DLG2: variants seen among roughly 807,000 people sequenced by gnomAD.
DLG2 encodes the protein discs large MAGUK scaffold protein 2, also known as disks large homolog 2.
In DLG2, 45 loss-of-function variants were observed where a neutral mutation model predicts 132.5. That is an observed-to-expected ratio of 0.34 (90% CI 0.27 to 0.44). The LOEUF is 0.44. Ranked by LOEUF, DLG2 falls within the 20% of genes least tolerant of loss-of-function variation. DLG2 has a pLI of 1.00. For missense variants in DLG2, 1,045 were observed against 1,196.9 expected (o/e 0.87, Z 1.87); for synonymous variants, 424 against 419.6 (o/e 1.01, Z -0.13).
chr11:84,528,697 A>G (rs2099328314), intron 7 of DLG2, among the ~76,000 whole-genome samples: 1 of 152,218 alleles, frequency 6.6e-6, no homozygotes, highest in Admixed American at 6.5e-5. Flanking sequence ...AGACAGATAA[A>G]AGAAGGCAAA....
chr11:84,168,334 G>T (rs1214417193), intron 8 of DLG2, among the ~76,000 whole-genome samples: 2 of 152,210 alleles, frequency 1.3e-5, no homozygotes, highest in Admixed American at 6.5e-5. Flanking sequence ...CAGTAGTAGA[G>T]AATATGACAG....
chr11:84,066,158 AC>A lies in DLG2; in HGVS notation c.750-6675del, dbSNP rs1465169738. 2.6e-5 allele frequency among the ~76,000 whole-genome samples: 4 copies of A among 152,216 alleles called. No individual in the cohort carries two copies. The East Asian group carries it at 7.7e-4, about 29-fold the overall frequency. On this transcript the variant is annotated intron_variant, in intron 10 of 27. Coordinates refer to ENST00000376104, the MANE Select transcript of DLG2 (RefSeq NM_001142699.3). ...GGTTTCAGAATAAGCTATACACCAA[AC>A]CCCTACGACATGCAATTCACCTATA...
chr11:85,083,534 A>G (rs2067517830), intron 6 of DLG2, among the ~76,000 whole-genome samples: 1 of 152,142 alleles, frequency 6.6e-6, no homozygotes, highest in South Asian at 2.1e-4. Context: ...GCTTGGTTTT[A>G]TATGTTTTAG....
At chr11:83,480,714 A>T in intron 22 of DLG2, 1 of 1,175,048 alleles carries the variant, frequency 8.5e-7, no homozygotes, top group Non-Finnish European at 1.2e-6. Flanking sequence ...ACCCATTCAT[A>T]TACCTCTGAC....
chr11:84,968,362 GGA>G (rs1566534367), intron 6 of DLG2, among the ~76,000 whole-genome samples: 1 of 152,074 alleles, frequency 6.6e-6, no homozygotes, highest in Non-Finnish European at 1.5e-5. Context: ...TTCTGTGTGG[GGA>G]GTGGTTCTTA....
At chr11:83,529,023 A>G (rs1411721200) in intron 21 of DLG2, among the ~76,000 whole-genome samples, 1 of 152,130 alleles carries the variant, frequency 6.6e-6, no homozygotes, top group Non-Finnish European at 1.5e-5. Context: ...GGCTCTTGTC[A>G]CAGCCTGCTT....
chr11:85,018,285 C>T (rs945049005), intron 6 of DLG2, among the ~76,000 whole-genome samples: 1 of 152,100 alleles, frequency 6.6e-6, no homozygotes, highest in African/African-American at 2.4e-5. Context: ...TTAAAAGAAC[C>T]ATGAAACTAA....
At position 84,533,905 on chromosome 11, in the gene DLG2, C is replaced by CA. The variant is rs558597260; in HGVS notation, c.519+664dup. 8.8e-3 allele frequency among the ~76,000 whole-genome samples: 615 copies of CA among 70,224 alleles called. 46 individuals are homozygous for CA. The highest frequency in any genetic ancestry group is 0.013 in the South Asian group (17 of 1,322). 46.1% of individuals were successfully genotyped at this position (70,224 alleles called of 152,430 possible). On this transcript the variant is annotated intron_variant, in intron 7 of 27. Transcript: ENST00000376104. ...CAAAATCCAGTAGCGCCAGTTCAGC[C>CA]AAAAAAAAAAAAAAAAAAAAAAAAA... is the stretch of plus-strand genomic sequence containing the variant.
chr11:83,792,243 G>A (rs1422509073), intron 17 of DLG2, among the ~76,000 whole-genome samples: 1 of 152,076 alleles, frequency 6.6e-6, no homozygotes, highest in East Asian at 1.9e-4. Flanking sequence ...ACTTCTTGGT[G>A]AAAGGGTATA....
chr11:83,850,153 TGTG>T (rs1343141222), intron 16 of DLG2, among the ~76,000 whole-genome samples: 7 of 134,368 alleles, frequency 5.2e-5, no homozygotes, highest in African/African-American at 1.6e-4. Context: ...TGTGTGTGTG[TGTG>T]TGTGTTTTTT....
At position 84,965,319 on chromosome 11, in the gene DLG2, A is replaced by T. The variant is rs187644127; in HGVS notation, c.357+146342T>A. On this transcript the variant is annotated intron_variant, in intron 6 of 27. Coordinates refer to ENST00000376104, the MANE Select transcript of DLG2 (RefSeq NM_001142699.3). ...TGCACGGTTTTAAACTTTAGAAAAA[A>T]ATTATGATATCAAATGTTCTCTTTA... Among the ~76,000 whole-genome samples, 3 of 152,040 alleles carry T rather than the reference A, an allele frequency of 2.0e-5. No homozygotes were observed. The South Asian group carries it at 6.2e-4, about 32-fold the overall frequency.
At chr11:85,114,701 G>A (rs2073290827) in intron 5 of DLG2, among the ~76,000 whole-genome samples, 1 of 151,888 alleles carries the variant, frequency 6.6e-6, no homozygotes, top group Admixed American at 6.6e-5. Context: ...GAGAACATTA[G>A]CTAAATATGC....
At chr11:84,264,935 C>A (rs1380504983) in intron 7 of DLG2, among the ~76,000 whole-genome samples, 3 of 152,110 alleles carry the variant, frequency 2.0e-5, no homozygotes, top group Non-Finnish European at 4.4e-5. Flanking sequence ...TGAATTATTT[C>A]TAAGGTTATA....
chr11:85,229,014 A>T (rs1199180037), intron 4 of DLG2, among the ~76,000 whole-genome samples: 1 of 150,822 alleles, frequency 6.6e-6, no homozygotes, highest in Non-Finnish European at 1.5e-5. Flanking sequence ...TTATTTTAGG[A>T]ATTATAATAT....
chr11:85,416,152 C>T (rs117725534), intron 3 of DLG2, among the ~76,000 whole-genome samples: 16,544 of 152,050 alleles, frequency 0.11, 1,083 homozygotes, highest in African/African-American at 0.17. Context: ...TGGTTGCTTT[C>T]GTCAGGTTTG....
At chr11:83,945,397 T>G (rs1454367200) in intron 14 of DLG2, among the ~76,000 whole-genome samples, 1 of 152,184 alleles carries the variant, frequency 6.6e-6, no homozygotes. Flanking sequence ...TATATTCCCT[T>G]GCCTCAGTAG....
intron 15 of DLG2, among the ~76,000 whole-genome samples, chr11:83,875,627 T>C (rs564479789): frequency 1.3e-5 from 2 of 152,322 alleles, no homozygotes; most frequent in Admixed American, 6.5e-5. Context: ...TTACTGAATG[T>C]GTAATTTTAG....
rs951662923 is a variant in DLG2 at position 85,193,268 on chromosome 11, T to A, written c.187-38617A>T. Reference sequence around the variant, plus strand: ...AGCAGCACACGCTTTTTATGGCTGATTAATACTCCCTTATACAGATTCTAT... The same window carrying A: ...AGCAGCACACGCTTTTTATGGCTGAATAATACTCCCTTATACAGATTCTAT... On this transcript the variant is annotated intron_variant, in intron 4 of 27. Transcript: ENST00000376104. Among the ~76,000 whole-genome samples, 6 of 152,348 alleles carry A rather than the reference T, an allele frequency of 3.9e-5. 1 individual carries two copies. In the South Asian group the frequency reaches 1.2e-3, roughly 32 times the overall value.
intron 3 of DLG2, among the ~76,000 whole-genome samples, chr11:85,500,708 T>G (rs1277957306): frequency 1.3e-5 from 2 of 152,144 alleles, no homozygotes; most frequent in Non-Finnish European, 2.9e-5. Context: ...ATACAACTTA[T>G]AAGAGATGTG....
Sources: gnomAD v4.1 joint callset for allele counts (sites outside exome capture counted in the v4.1 genomes callset) on GRCh38, gnomAD v4.1.1 for gene constraint, MANE v1.5 for transcripts, NCBI Gene and HGNC (gene_info 2026-07-23, HGNC 2026-07-21) for gene names.